CAB39L: variants seen among roughly 807,000 people sequenced by gnomAD.
CAB39L encodes the protein calcium binding protein 39 like, also known as calcium-binding protein 39-like.
A neutral mutation model predicts 39.1 loss-of-function variants in CAB39L; 23 were observed. That is an observed-to-expected ratio of 0.59 (90% confidence interval 0.42 to 0.83). The LOEUF (loss-of-function observed/expected upper bound fraction) is 0.83, where lower values mean the gene tolerates loss of function less well. Ranked by LOEUF, CAB39L falls within the 40% of genes least tolerant of loss-of-function variation. The pLI is 0.00. For synonymous variants in CAB39L, 126 were observed against 137.2 expected (o/e 0.92, Z 0.57); for missense variants, 366 against 391.9 (o/e 0.93, Z 0.56).
intron 6 of CAB39L, 74 bp downstream of exon 6, chr13:49,359,640 A>G: frequency 1.3e-6 from 1 of 757,142 alleles, no homozygotes; most frequent in Non-Finnish European, 2.2e-6. Flanking sequence ...TCATATCTCA[A>G]ATGAGACTAA....
chr13:49,320,300 C>A (rs550646770), intron 10 of CAB39L, among the ~76,000 whole-genome samples: 19 of 152,152 alleles, frequency 1.2e-4, no homozygotes, highest in African/African-American at 3.9e-4. Flanking sequence ...TTCAAACCAC[C>A]CCCAAACAAA....
At chr13:49,363,039 C>A (rs1414780506) in intron 5 of CAB39L, among the ~76,000 whole-genome samples, 2 of 152,088 alleles carry the variant, frequency 1.3e-5, no homozygotes, top group African/African-American at 4.8e-5. Context: ...CTTTCCCAGA[C>A]AAACAAAAGC....
chr13:49,343,384 A>G (rs1331239096), intron 8 of CAB39L, among the ~76,000 whole-genome samples: 1 of 152,202 alleles, frequency 6.6e-6, no homozygotes, highest in Non-Finnish European at 1.5e-5. Flanking sequence ...TGGGTGTAGT[A>G]ACTTGCCCAG....
intron 3 of CAB39L, among the ~76,000 whole-genome samples, chr13:49,399,177 C>T (rs562246662): frequency 1.3e-5 from 2 of 152,182 alleles, no homozygotes; most frequent in Admixed American, 6.5e-5. Context: ...TAACTATTAT[C>T]AGGTACCTAC....
chr13:49,347,742 C>A (rs1955221934), intron 7 of CAB39L, among the ~76,000 whole-genome samples: 1 of 152,110 alleles, frequency 6.6e-6, no homozygotes, highest in Non-Finnish European at 1.5e-5. Context: ...TTTTTGTCTT[C>A]CGGGGTGAGA....
rs768912125 is a variant in CAB39L, at chr13:49,309,798, T to G, written c.*1016A>C. ...AAAAATTGCTTTTATCAACATCTGA[T>G]ACAATGGCTCTGAAAAAAATTTATT... is the stretch of plus-strand genomic sequence containing the variant. On this transcript the variant is annotated 3_prime_UTR_variant, in exon 11 of 11. Coordinates refer to ENST00000409308, the MANE Select transcript of CAB39L (RefSeq NM_001079670.3). The G allele has an allele frequency of 4.6e-5, 7 of 152,202 alleles. No homozygotes were observed. The highest frequency in any genetic ancestry group is 1.0e-4 in the Non-Finnish European group (7 of 68,038). The allele number at this position is 152,202 out of a possible 1,614,324, so 9.4% of individuals were successfully genotyped here.
chr13:49,411,917 C>T (rs978961276), intron 3 of CAB39L, among the ~76,000 whole-genome samples: 1 of 152,154 alleles, frequency 6.6e-6, no homozygotes, highest in Non-Finnish European at 1.5e-5. Context: ...AGGGAGAAGG[C>T]ATTAAGTGAA....
chr13:49,349,322 T>C (rs951212219), intron 7 of CAB39L, among the ~76,000 whole-genome samples: 12 of 151,860 alleles, frequency 7.9e-5, no homozygotes, highest in Admixed American at 2.6e-4. Flanking sequence ...AATTCATACA[T>C]GGATTACAAT....
chr13:49,430,257 G>A (rs114141169), intron 3 of CAB39L, among the ~76,000 whole-genome samples: 3,031 of 152,122 alleles, frequency 0.02, 91 homozygotes, highest in African/African-American at 0.069. Context: ...ATAGTTGGGC[G>A]GATTAAGATA....
intron 3 of CAB39L, among the ~76,000 whole-genome samples, chr13:49,412,661 G>A (rs536157845): frequency 6.6e-6 from 1 of 152,132 alleles, no homozygotes; most frequent in East Asian, 1.9e-4. Flanking sequence ...AACCTTTTTC[G>A]CACCAGAGGA....
chr13:49,337,732 G>GCACACA (rs57089737), intron 9 of CAB39L, among the ~76,000 whole-genome samples: 8 of 144,304 alleles, frequency 5.5e-5, no homozygotes, highest in South Asian at 4.7e-4. Context: ...CTGCTCTGGC[G>GCACACA]CACACACACA....
In CAB39L at chr13:49,434,194, A is replaced by G. The variant is rs1175136455; in HGVS notation, c.-216T>C. 4.4e-6 allele frequency: 2 copies of G among 455,354 alleles called. No individual in the cohort carries two copies. The highest frequency in any genetic ancestry group is 8.8e-6 in the Non-Finnish European group (2 of 226,716). The allele number at this position is 455,354 out of a possible 1,614,324, so 28.2% of individuals were successfully genotyped here. On this transcript the variant is annotated 5_prime_UTR_variant, in exon 2 of 11. Transcript: ENST00000409308. Reference sequence around the variant, plus strand: ...CAACTTAGAACACTTTGCTCCTGATATTCTTTCTTCTCAATATTTGATGGA... The same window carrying G: ...CAACTTAGAACACTTTGCTCCTGATGTTCTTTCTTCTCAATATTTGATGGA...
At position 49,356,312 on chromosome 13, in the gene CAB39L, G is replaced by C. The variant is rs75750498; in HGVS notation, c.395+3402C>G. On this transcript the variant is annotated intron_variant, in intron 6 of 10. Coordinates refer to ENST00000409308, the MANE Select transcript of CAB39L (RefSeq NM_001079670.3). ...AACAGGATAATTGGGAGAAATTTAT[G>C]ATTTTAACATCAGCCTTCTGGAACA... Among the ~76,000 whole-genome samples the C allele has an allele frequency of 6.4e-4, 97 of 152,232 alleles. 1 individual carries two copies. In the East Asian group the frequency reaches 0.016, roughly 25 times the overall value.
rs914341232 is a variant in CAB39L, at chr13:49,309,403, C to T, written c.*1411G>A. 2.0e-5 allele frequency: 3 copies of T among 152,216 alleles called. No individual in the cohort carries two copies. Among genetic ancestry groups the T allele is most frequent in the Admixed American group, 6.5e-5 (1 of 15,280 alleles). 9.4% of individuals were successfully genotyped at this position (152,216 alleles called of 1,614,324 possible). On this transcript the variant is annotated 3_prime_UTR_variant, in exon 11 of 11. Transcript: ENST00000409308. ...CAGTCCTGGAGAACACATTTCTCTT[C>T]CCCTCTCTAGGCAGAGAAATACCTG... is the stretch of plus-strand genomic sequence containing the variant.
At chr13:49,338,763 C>T (rs1954919842) in intron 9 of CAB39L, among the ~76,000 whole-genome samples, 1 of 152,174 alleles carries the variant, frequency 6.6e-6, no homozygotes, top group Admixed American at 6.5e-5. Context: ...CATTTCTCTT[C>T]TAATTCTTAG....
chr13:49,352,785 G>A (rs766923772), intron 6 of CAB39L, among the ~76,000 whole-genome samples: 7 of 152,068 alleles, frequency 4.6e-5, no homozygotes, highest in Non-Finnish European at 1.0e-4. Context: ...TATTTTTAAA[G>A]AGATATCATT....
chr13:49,389,224 T>C (rs1956435782), intron 3 of CAB39L, among the ~76,000 whole-genome samples: 1 of 152,146 alleles, frequency 6.6e-6, no homozygotes, highest in African/African-American at 2.4e-5. Context: ...TGGGTATATA[T>C]CCAAAGGAAC....
intron 4 of CAB39L, among the ~76,000 whole-genome samples, chr13:49,381,372 A>G (rs1407714416): frequency 1.3e-5 from 2 of 152,210 alleles, no homozygotes; most frequent in African/African-American, 4.8e-5. Context: ...TATGTTTAAG[A>G]GAGAGTTAAG....
At chr13:49,429,426 A>G (rs1594096213) in intron 3 of CAB39L, among the ~76,000 whole-genome samples, 1 of 152,198 alleles carries the variant, frequency 6.6e-6, no homozygotes, top group Non-Finnish European at 1.5e-5. Flanking sequence ...CTAATACTAC[A>G]GTAATTTGCT....
Sources: allele counts gnomAD v4.1 joint callset (sites outside exome capture counted in the v4.1 genomes callset), GRCh38; gene constraint gnomAD v4.1.1; transcripts MANE v1.5; gene names NCBI Gene and HGNC (gene_info 2026-07-23, HGNC 2026-07-21).